INO80D: variants seen among roughly 807,000 people sequenced by gnomAD.
The protein encoded by INO80D is INO80 complex subunit D.
In INO80D, 21 loss-of-function variants were observed where a neutral mutation model predicts 87.6. The ratio of observed to expected loss-of-function variants is 0.24; its 90% CI spans 0.17 to 0.35. The LOEUF is 0.35. INO80D is among the 10% of genes least tolerant of loss of function. The probability of loss-of-function intolerance (pLI) is 1.00; values close to 1 mark genes in which losing one functional copy is unlikely to be tolerated. For missense variants in INO80D, 982 were observed against 1,280.7 expected, an observed-to-expected ratio of 0.77 and a Z score of 3.56; for synonymous variants, 440 against 491.0, an observed-to-expected ratio of 0.90 and a Z score of 1.37.
At chr2:206,017,901 T>C (rs1287479571) in intron 7 of INO80D, 88 bp from the exon 8 acceptor site, 6 of 1,155,500 alleles carry the variant, frequency 5.2e-6, no homozygotes, top group Non-Finnish European at 4.9e-6. Flanking sequence ...TTACATTTCA[T>C]AAGTACAAGC....
intron 8 of INO80D, among the ~76,000 whole-genome samples, chr2:206,014,461 C>G (rs1182802362): frequency 1.3e-5 from 2 of 151,974 alleles, no homozygotes; most frequent in African/African-American, 4.8e-5. Flanking sequence ...CCCTGTTGTT[C>G]TCGTAATAGT....
chr2:206,017,408 G>A (rs759366716), intron 8 of INO80D, among the ~76,000 whole-genome samples: 2 of 152,112 alleles, frequency 1.3e-5, no homozygotes, highest in Non-Finnish European at 2.9e-5. Flanking sequence ...CTGGGCCTTC[G>A]ATTGAAGTTT....
chr2:206,029,947 C>T (rs1688716512), intron 5 of INO80D, among the ~76,000 whole-genome samples: 2 of 152,214 alleles, frequency 1.3e-5, no homozygotes, highest in East Asian at 1.9e-4. Context: ...TCTGTGAGCA[C>T]TTAAAAGTTT....
chr2:206,005,643 T>C, intron 10 of INO80D, 110 bp from the exon 11 acceptor site: 1 of 911,042 alleles, frequency 1.1e-6, no homozygotes, highest in Non-Finnish European at 1.6e-6. Context: ...GAGTCCCTCT[T>C]GAAAAGAAAA....
chr2:206,056,666 C>T lies in INO80D; in HGVS notation c.496G>A (p.Val166Met). The change falls in exon 4 of 11, where the codon GTG (valine) becomes ATG (methionine). Residue 166 changes from valine to methionine, a missense_variant. Physicochemically the swap from Val to Met is conservative, Grantham distance 21. Transcript: ENST00000403263. ...EDDDLKKGAT[V>M]RKKLQSKLAQ... is the part of the protein sequence containing the mutation. ...AACTTGCTCTGCAACTTCTTTCTCA[C>T]AGTTGCCCCTTTCTTTAGGTCATCA... 2 of 1,613,264 alleles carry T rather than the reference C, an allele frequency of 1.2e-6. No individual in the cohort carries two copies. The highest frequency in any genetic ancestry group is 1.7e-6 in the Non-Finnish European group (2 of 1,179,574).
chr2:206,060,630 C>T (rs60252053), intron 3 of INO80D, among the ~76,000 whole-genome samples: 457 of 151,674 alleles, frequency 3.0e-3, no homozygotes, highest in Middle Eastern at 0.01. Context: ...GCGCGATCTC[C>T]GCTCACTGCA....
intron 4 of INO80D, among the ~76,000 whole-genome samples, chr2:206,050,274 C>T (rs1689315805): frequency 6.6e-6 from 1 of 151,090 alleles, no homozygotes; most frequent in South Asian, 2.1e-4. Flanking sequence ...GGGCAGATCA[C>T]AAGATTAGGA....
Position 205,996,653 on chromosome 2 carries a change from T to C in INO80D, c.*7715A>G, listed in dbSNP as rs911106000. On this transcript the variant is annotated 3_prime_UTR_variant, in exon 11 of 11. Transcript: ENST00000403263. ...ATACACACACATATACATACGTGTA[T>C]ATATAGATTTATACAAATGTATAAA... 1.3e-5 allele frequency: 2 copies of C among 152,098 alleles called. No homozygotes were observed. The highest frequency in any genetic ancestry group is 1.3e-4 in the Admixed American group (2 of 15,260). 9.4% of individuals were successfully genotyped at this position (152,098 alleles called of 1,614,324 possible).
rs1358564686 is a variant in INO80D at position 206,017,459 on chromosome 2, A to G, written c.1542+221T>C. ...ACATTTGTAGAATTGTATATAAGAA[A>G]GCAAAAACTTAGAGACATAGGAACA... On this transcript the variant is annotated intron_variant, in intron 8 of 10. Transcript: ENST00000403263. Among the ~76,000 whole-genome samples, 6 of 152,252 alleles carry G rather than the reference A, an allele frequency of 3.9e-5. No homozygotes were observed. The East Asian group carries it at 1.2e-3, about 29-fold the overall frequency.
chr2:206,027,230 C>T (rs1688642686), intron 6 of INO80D, among the ~76,000 whole-genome samples: 1 of 152,182 alleles, frequency 6.6e-6, no homozygotes, highest in Admixed American at 6.5e-5. Context: ...CTCATTCTCT[C>T]TCTCATGAAT....
At chr2:206,042,419 C>T (rs1041662053) in intron 5 of INO80D, among the ~76,000 whole-genome samples, 5 of 151,992 alleles carry the variant, frequency 3.3e-5, no homozygotes, top group East Asian at 3.9e-4. Context: ...AGGTGGCTCA[C>T]GCCTGTAATC....
chr2:205,997,357 A>C lies in INO80D; in HGVS notation c.*7011T>G, dbSNP rs1370267424. The C allele has an allele frequency of 6.6e-6, 1 of 152,066 alleles. No individual in the cohort carries two copies. The highest frequency in any genetic ancestry group is 2.4e-5 in the African/African-American group (1 of 41,422). 9.4% of individuals were successfully genotyped at this position (152,066 alleles called of 1,614,324 possible). A position where few individuals can be genotyped will look rare whatever the true frequency, so the allele number is the denominator to read the frequency against. ...GCAGAACTGAGTAAAAGTTTTTTGAAAAATTTTGGAAATAAATGAAATCAC... is the reference window on the plus strand; with the variant it reads ...GCAGAACTGAGTAAAAGTTTTTTGACAAATTTTGGAAATAAATGAAATCAC... On this transcript the variant is annotated 3_prime_UTR_variant, in exon 11 of 11. Coordinates refer to ENST00000403263, the MANE Select transcript of INO80D (RefSeq NM_017759.5).
intron 8 of INO80D, among the ~76,000 whole-genome samples, chr2:206,013,935 G>A (rs1171879214): frequency 1.3e-5 from 2 of 151,326 alleles, no homozygotes; most frequent in Admixed American, 6.6e-5. Flanking sequence ...AAGCCGGGTG[G>A]ATCACCTGAG....
intron 8 of INO80D, among the ~76,000 whole-genome samples, 190 bp from the exon 9 acceptor site, chr2:206,009,984 C>T (rs1034439788): frequency 6.6e-6 from 1 of 151,944 alleles, no homozygotes; most frequent in Non-Finnish European, 1.5e-5. Flanking sequence ...AATATCTCTG[C>T]AATTGGGAAG....
intron 3 of INO80D, among the ~76,000 whole-genome samples, chr2:206,060,854 C>T (rs1411918588): frequency 6.6e-6 from 1 of 151,996 alleles, no homozygotes; most frequent in East Asian, 2.0e-4. Flanking sequence ...GCCACCGTGC[C>T]CGGCAACTTA....
chr2:206,036,460 T>C (rs1314027525), intron 5 of INO80D, among the ~76,000 whole-genome samples: 1 of 152,152 alleles, frequency 6.6e-6, no homozygotes, highest in East Asian at 1.9e-4. Context: ...GAGACTATTA[T>C]TCTAAGTGAA....
At chr2:206,050,496 GAAAAAAAAA>G (rs3079265) in intron 4 of INO80D, among the ~76,000 whole-genome samples, 33 of 99,576 alleles carry the variant, frequency 3.3e-4, no homozygotes, top group African/African-American at 6.7e-4. Context: ...CGTCTCAAAA[GAAAAAAAAA>G]AAAAAAAAAA....
chr2:206,058,140 G>A (rs896522111), intron 3 of INO80D, among the ~76,000 whole-genome samples: 12 of 152,160 alleles, frequency 7.9e-5, no homozygotes, highest in Non-Finnish European at 1.6e-4. Context: ...ACCTATAAAG[G>A]CCGGGCACAA....
intron 9 of INO80D, 146 bp from the exon 10 acceptor site, chr2:206,007,587 C>A: frequency 1.1e-6 from 1 of 889,032 alleles, no homozygotes; most frequent in Non-Finnish European, 1.7e-6. Flanking sequence ...TTTGGGAGGC[C>A]AAGGTGAGAG....
Sources: allele counts gnomAD v4.1 joint callset (sites outside exome capture counted in the v4.1 genomes callset), GRCh38; gene constraint gnomAD v4.1.1; transcripts MANE v1.5; gene names NCBI Gene and HGNC (gene_info 2026-07-23, HGNC 2026-07-21).